Variants in SLC44A1 observed in about 807,000 individuals in gnomAD.
The protein encoded by SLC44A1 is choline transporter-like protein 1.
SLC44A1 carries 26 observed loss-of-function variants against 79.3 expected under a neutral mutation model. The observed-to-expected ratio is 0.33, with a 90% CI of 0.24 to 0.46. The LOEUF is 0.46. Among genes scored for constraint, SLC44A1 ranks in the 20% least tolerant of loss-of-function variants. The pLI is 1.00. For missense variants in SLC44A1, 688 were observed against 798.1 expected, an observed-to-expected ratio of 0.86 and a Z score of 1.66; for synonymous variants, 263 against 286.2, an observed-to-expected ratio of 0.92 and a Z score of 0.82.
chr9:105,326,547 C>T (rs1162826983), intron 3 of SLC44A1, among the ~76,000 whole-genome samples: 1 of 152,194 alleles, frequency 6.6e-6, no homozygotes, highest in Non-Finnish European at 1.5e-5. Context: ...CAGTTCCATG[C>T]CTTTGCTTTG....
intron 15 of SLC44A1, 47 bp from the exon 16 acceptor site, chr9:105,388,986 T>G: frequency 1.4e-6 from 2 of 1,419,882 alleles, no homozygotes; most frequent in Non-Finnish European, 2.0e-6. Flanking sequence ...GATCTCCTTT[T>G]AATGGTAATT....
chr9:105,357,806 C>T (rs755484595), intron 6 of SLC44A1, among the ~76,000 whole-genome samples: 104 of 152,218 alleles, frequency 6.8e-4, no homozygotes, highest in South Asian at 2.1e-4. Flanking sequence ...TCCACAGAGT[C>T]GGACCATCCT....
chr9:105,336,477 C>T lies in SLC44A1; in HGVS notation c.406+778C>T, dbSNP rs548414201. Among the ~76,000 whole-genome samples the T allele has an allele frequency of 2.0e-5, 3 of 152,244 alleles. No individual in the cohort carries two copies. In the South Asian group the frequency reaches 6.2e-4, roughly 32 times the overall value. Reference sequence around the variant, plus strand: ...CAGGTCCACATGGCTTGCCTCAGTTCTCTTCAGAGAATCGTTTTTTTAACC... The same window carrying T: ...CAGGTCCACATGGCTTGCCTCAGTTTTCTTCAGAGAATCGTTTTTTTAACC... On this transcript the variant is annotated intron_variant, in intron 4 of 15. Coordinates refer to ENST00000374720, the MANE Select transcript of SLC44A1 (RefSeq NM_080546.5).
At chr9:105,308,243 T>G (rs1204283261) in intron 2 of SLC44A1, among the ~76,000 whole-genome samples, 3 of 152,226 alleles carry the variant, frequency 2.0e-5, no homozygotes, top group African/African-American at 7.2e-5. Context: ...TATTCTCATT[T>G]CTAATAATAG....
intron 5 of SLC44A1, among the ~76,000 whole-genome samples, chr9:105,351,787 T>C (rs1827456524): frequency 6.6e-6 from 1 of 152,184 alleles, no homozygotes; most frequent in Non-Finnish European, 1.5e-5. Context: ...CTCTCATATA[T>C]ATTATCTCAT....
intron 4 of SLC44A1, among the ~76,000 whole-genome samples, chr9:105,342,482 T>C (rs1291122226): frequency 6.6e-6 from 1 of 152,166 alleles, no homozygotes; most frequent in East Asian, 1.9e-4. Context: ...GGGAACTATG[T>C]ACATTGTAGT....
intron 1 of SLC44A1, among the ~76,000 whole-genome samples, chr9:105,272,149 A>G (rs563360977): frequency 3.9e-5 from 6 of 152,370 alleles, no homozygotes; most frequent in Non-Finnish European, 1.5e-5. Flanking sequence ...AATTTTCCCA[A>G]GAAAATCTAG....
intron 11 of SLC44A1, among the ~76,000 whole-genome samples, chr9:105,365,898 T>A (rs964028269): frequency 2.6e-5 from 4 of 152,188 alleles, no homozygotes; most frequent in African/African-American, 9.7e-5. Context: ...TCCTTAGAAC[T>A]TCTTCCCTTC....
At chr9:105,279,305 A>G (rs1359026316) in intron 1 of SLC44A1, among the ~76,000 whole-genome samples, 1 of 151,184 alleles carries the variant, frequency 6.6e-6, no homozygotes, top group Non-Finnish European at 1.5e-5. Context: ...TTTTAAAACT[A>G]GGAAAAGAAA....
At chr9:105,247,196 T>A (rs984585476) in intron 1 of SLC44A1, among the ~76,000 whole-genome samples, 4 of 152,180 alleles carry the variant, frequency 2.6e-5, no homozygotes, top group Admixed American at 2.0e-4. Flanking sequence ...ATTACCAGTT[T>A]TAGAATACTG....
chr9:105,254,415 T>G (rs1479721932), intron 1 of SLC44A1, among the ~76,000 whole-genome samples: 1 of 152,158 alleles, frequency 6.6e-6, no homozygotes, highest in African/African-American at 2.4e-5. Context: ...TAACCAGGAC[T>G]TCCCTCTGAG....
intron 1 of SLC44A1, among the ~76,000 whole-genome samples, chr9:105,273,628 G>C (rs1326372649): frequency 6.6e-6 from 1 of 152,022 alleles, no homozygotes; most frequent in Non-Finnish European, 1.5e-5. Flanking sequence ...TAGGAATCTT[G>C]AAGATGTGAG....
chr9:105,352,574 A>C (rs965014234), intron 5 of SLC44A1, among the ~76,000 whole-genome samples: 4 of 152,224 alleles, frequency 2.6e-5, no homozygotes, highest in African/African-American at 9.6e-5. Flanking sequence ...GACTACATCG[A>C]CTTATTAAAG....
At chr9:105,297,108 T>C (rs1830744400) in intron 1 of SLC44A1, among the ~76,000 whole-genome samples, 2 of 152,246 alleles carry the variant, frequency 1.3e-5, no homozygotes, top group South Asian at 4.1e-4. Flanking sequence ...TAAGGTTTTT[T>C]TCCATGACTA....
chr9:105,262,014 C>G (rs568693601), intron 1 of SLC44A1, among the ~76,000 whole-genome samples: 1 of 152,072 alleles, frequency 6.6e-6, no homozygotes, highest in East Asian at 1.9e-4. Context: ...GAACTCCTGA[C>G]CTCAGGTGAT....
chr9:105,255,093 G>GTT (rs1168193382), intron 1 of SLC44A1, among the ~76,000 whole-genome samples: 94 of 141,844 alleles, frequency 6.6e-4, no homozygotes, highest in African/African-American at 2.1e-3. Context: ...TTACTTTCAG[G>GTT]TTTTTTTGTT....
rs1828745387 is a variant in SLC44A1, at chr9:105,390,742, A to AT, written c.*1691dup. 1.0e-6 allele frequency: 1 copy of AT among 985,318 alleles called. No individual in the cohort carries two copies. The highest frequency in any genetic ancestry group is 6.2e-5 in the Admixed American group (1 of 16,228). The allele number at this position is 985,318 out of a possible 1,614,324, so 61.0% of individuals were successfully genotyped here. A position where few individuals can be genotyped will look rare whatever the true frequency, so the allele number is the denominator to read the frequency against. ...TTTAAAAGTTCATGTAATATTTCTG[A>AT]TTTTTCAGAATATTTGCAATAAGAG... On this transcript the variant is annotated 3_prime_UTR_variant, in exon 16 of 16. Coordinates refer to ENST00000374720, the MANE Select transcript of SLC44A1 (RefSeq NM_080546.5).
At chr9:105,415,896 AT>A (rs10592448) in intron 15 of SLC44A1, among the ~76,000 whole-genome samples, 22,424 of 117,862 alleles carry the variant, frequency 0.19, 1,572 homozygotes, top group Middle Eastern at 0.33. Context: ...GATTGACTGA[AT>A]TTTTTTTTTT....
downstream of SLC44A1, among the ~76,000 whole-genome samples, chr9:105,399,452 G>T (rs559911417): frequency 6.6e-5 from 10 of 152,138 alleles, 1 homozygote; most frequent in African/African-American, 2.2e-4. Flanking sequence ...TTCCAGAAAG[G>T]ATTCTCACAG....
Sources: allele counts gnomAD v4.1 joint callset (sites outside exome capture counted in the v4.1 genomes callset), GRCh38; gene constraint gnomAD v4.1.1; transcripts MANE v1.5; gene names NCBI Gene and HGNC (gene_info 2026-07-23, HGNC 2026-07-21).